Variants in ZNF143 observed in about 807,000 individuals in gnomAD.
ZNF143 encodes the protein SPH-binding factor.
In ZNF143, 49 loss-of-function variants were observed where a neutral mutation model predicts 74.1. The observed-to-expected ratio is 0.66, with a 90% CI of 0.53 to 0.84. The LOEUF (loss-of-function observed/expected upper bound fraction) is 0.84. Among genes scored for constraint, ZNF143 ranks in the 40% least tolerant of loss-of-function variants. The probability of loss-of-function intolerance (pLI) is 0.00; values close to 1 mark genes in which losing one functional copy is unlikely to be tolerated. For missense variants in ZNF143, 637 were observed against 793.4 expected, an observed-to-expected ratio of 0.80 and a Z score of 2.37; for synonymous variants, 304 against 282.8, an observed-to-expected ratio of 1.07 and a Z score of -0.75.
At chr11:9,501,738 G>C (rs1048332076) in intron 11 of ZNF143, among the ~76,000 whole-genome samples, 14 of 151,852 alleles carry the variant, frequency 9.2e-5, no homozygotes, top group African/African-American at 3.4e-4. Flanking sequence ...AAGGCACAAA[G>C]GTATGAAAAA....
chr11:9,503,632 TG>T (rs1226525256), intron 11 of ZNF143, among the ~76,000 whole-genome samples: 1 of 151,938 alleles, frequency 6.6e-6, no homozygotes, highest in Non-Finnish European at 1.5e-5. Context: ...TGATGGCTAA[TG>T]ATGTGAAGCT....
chr11:9,507,077 G>T (rs915588028), intron 11 of ZNF143, among the ~76,000 whole-genome samples: 1 of 152,168 alleles, frequency 6.6e-6, no homozygotes, highest in Admixed American at 6.5e-5. Context: ...TTTGGGAATG[G>T]GAACTGGGCA....
chr11:9,496,194 G>A, intron 8 of ZNF143, 109 bp from the exon 9 acceptor site: 2 of 890,116 alleles, frequency 2.2e-6, no homozygotes, highest in South Asian at 3.0e-5. Flanking sequence ...TAAGAAAAAA[G>A]CATACAACAA....
At chr11:9,475,910 A>ATATATATGTG (rs370474107) in intron 5 of ZNF143, among the ~76,000 whole-genome samples, 2 of 137,288 alleles carry the variant, frequency 1.5e-5, no homozygotes, top group African/African-American at 5.5e-5. Flanking sequence ...AAAAATATAT[A>ATATATATGTG]TGTGTGTGTG....
chr11:9,487,042 C>T (rs2133990692), intron 7 of ZNF143, among the ~76,000 whole-genome samples: 1 of 146,836 alleles, frequency 6.8e-6, no homozygotes, highest in South Asian at 2.2e-4. Context: ...TCTTGGCTCA[C>T]TGCTACCTCC....
At position 9,473,987 on chromosome 11, in the gene ZNF143, T is replaced by C. The variant is rs1418070666; in HGVS notation, c.252T>C (p.Ser84=). ...AGGTCATTCAGTTGGAAGATGGTTC[T>C]GCGGCCTATGTTCAACATGTACCCA... ...DGQVIQLEDG[S]AAYVQHVPIP... The change falls in exon 4 of 16, where the codon TCT becomes TCC. Residue 84 remains serine, a synonymous_variant. Coordinates refer to ENST00000396602, the MANE Select transcript of ZNF143 (RefSeq NM_003442.6). The C allele has an allele frequency of 6.2e-7, 1 of 1,614,076 alleles. No individual in the cohort carries two copies. Among genetic ancestry groups the C allele is most frequent in the Non-Finnish European group, 8.5e-7 (1 of 1,179,954 alleles).
At chr11:9,486,000 C>T (rs1332155782) in intron 7 of ZNF143, among the ~76,000 whole-genome samples, 1 of 151,168 alleles carries the variant, frequency 6.6e-6, no homozygotes, top group Non-Finnish European at 1.5e-5. Flanking sequence ...CATCCTGAAA[C>T]CTGGTTGGTT....
At chr11:9,467,409 T>C (rs948339025) in intron 1 of ZNF143, among the ~76,000 whole-genome samples, 10 of 151,752 alleles carry the variant, frequency 6.6e-5, no homozygotes, top group African/African-American at 2.4e-4. Flanking sequence ...GATTTTCTTA[T>C]ATTTTTAGTA....
In ZNF143 at chr11:9,516,344, G is replaced by A. The variant is rs1848723209; in HGVS notation, c.1668G>A (p.Glu556=). 2 of 1,612,778 alleles carry A rather than the reference G, an allele frequency of 1.2e-6. No homozygotes were observed. Among genetic ancestry groups the A allele is most frequent in the South Asian group, 2.2e-5 (2 of 90,932 alleles). Residue 556 remains glutamate (E), a synonymous_variant, in exon 14 of 16, where the codon GAG becomes GAA. Coordinates refer to ENST00000396602, the MANE Select transcript of ZNF143 (RefSeq NM_003442.6). ...GTHSVAMVTA[E]GTEGEQVAIV... The stretch of plus-strand genomic sequence containing the variant: ...ACTCTGTTGCTATGGTTACTGCTGA[G>A]GGTACAGAAGGGGAACAGGTAATTA...
chr11:9,494,191 G>A (rs111977065), intron 7 of ZNF143, among the ~76,000 whole-genome samples: 1 of 152,238 alleles, frequency 6.6e-6, no homozygotes, highest in Non-Finnish European at 1.5e-5. Context: ...TAACCTGACC[G>A]ACTCAGGCTG....
intron 7 of ZNF143, among the ~76,000 whole-genome samples, chr11:9,491,995 A>G (rs573962270): frequency 6.6e-6 from 1 of 151,944 alleles, no homozygotes; most frequent in East Asian, 1.9e-4. Context: ...CCCAGGCTGG[A>G]GTGCAATGGC....
chr11:9,484,638 A>C (rs928727406), intron 7 of ZNF143, among the ~76,000 whole-genome samples: 1 of 139,102 alleles, frequency 7.2e-6, no homozygotes, highest in Non-Finnish European at 1.5e-5. Flanking sequence ...TTGTTTTTTG[A>C]GATGGAGTCT....
chr11:9,482,420 G>A (rs1421865365), intron 7 of ZNF143, among the ~76,000 whole-genome samples: 1 of 150,198 alleles, frequency 6.7e-6, no homozygotes, highest in Admixed American at 6.6e-5. Context: ...ACAGGTGCCC[G>A]CCACCATGCC....
rs1176192155 is a variant in ZNF143 at position 9,471,348 on chromosome 11, A to G, written c.40A>G (p.Thr14Ala). 3 of 1,612,520 alleles carry G rather than the reference A, an allele frequency of 1.9e-6. No individual in the cohort carries two copies. Among genetic ancestry groups the G allele is most frequent in the African/African-American group, 1.3e-5 (1 of 74,858 alleles). Residue 14 changes from threonine to alanine, a missense_variant, in exon 2 of 16, where the codon ACA becomes GCA. Transcript: ENST00000396602. ...AATAAATCGAGATTCTCAGGGAATG[A>G]CAGAGTTTCCTGGAGGAGGGATGGA... The part of the protein sequence containing the change: ...AQINRDSQGM[T>A]EFPGGGMEAQ...
intron 7 of ZNF143, among the ~76,000 whole-genome samples, chr11:9,484,799 G>GTTTTTT (rs1316309780): frequency 1.7e-4 from 4 of 24,242 alleles, no homozygotes; most frequent in South Asian, 2.0e-3. Context: ...CCTGGCCAAA[G>GTTTTTT]ATTTTTTTTT....
chr11:9,512,122 C>G (rs968053825), intron 12 of ZNF143, among the ~76,000 whole-genome samples: 9 of 152,134 alleles, frequency 5.9e-5, no homozygotes, highest in African/African-American at 1.7e-4. Context: ...TGCTAGTTTT[C>G]CTGTACAGTT....
At chr11:9,484,531 A>G (rs1274308032) in intron 7 of ZNF143, among the ~76,000 whole-genome samples, 4 of 149,442 alleles carry the variant, frequency 2.7e-5, no homozygotes. Flanking sequence ...TTGCTTTTCT[A>G]AGTCTCTTTT....
rs1254769544 is a variant in ZNF143 at position 9,511,750 on chromosome 11, C to CT, written c.1376-679dup. On this transcript the variant is annotated intron_variant, in intron 12 of 15. Transcript: ENST00000396602. ...AGCCACTGTGCCTGGCCTTTAACAG[C>CT]TTTTTTTTTTTTTTTTTTTGAGACG... Among the ~76,000 whole-genome samples the CT allele has an allele frequency of 9.3e-3, 1,117 of 120,148 alleles. 11 individuals carry two copies. The highest frequency in any genetic ancestry group is 0.017 in the African/African-American group (551 of 32,632). 78.8% of individuals were successfully genotyped at this position (120,148 alleles called of 152,430 possible).
At chr11:9,461,878 T>C (rs1855879879) in intron 1 of ZNF143, 1 of 152,228 alleles carries the variant, frequency 6.6e-6, no homozygotes, top group Non-Finnish European at 1.5e-5. Context: ...GCCAGCCCAT[T>C]ATTTGTTTAA....
Sources: gnomAD v4.1 joint callset for allele counts (sites outside exome capture counted in the v4.1 genomes callset) on GRCh38, gnomAD v4.1.1 for gene constraint, MANE v1.5 for transcripts, NCBI Gene and HGNC (gene_info 2026-07-23, HGNC 2026-07-21) for gene names.